MIOS: variants seen among roughly 807,000 people sequenced by gnomAD.
MIOS encodes GATOR2 complex protein MIOS.
MIOS carries 52 observed loss-of-function variants against 96.9 expected under a neutral mutation model. The observed-to-expected ratio is 0.54, with a 90% CI of 0.43 to 0.68. The LOEUF is 0.68. MIOS is among the 30% of genes least tolerant of loss of function. The pLI is 0.00. For missense variants in MIOS, 1,005 were observed against 1,052.8 expected, an observed-to-expected ratio of 0.95 and a Z score of 0.63; for synonymous variants, 397 against 359.5, an observed-to-expected ratio of 1.10 and a Z score of -1.18.
chr7:7,604,222 A>G (rs553675974), intron 11 of MIOS, among the ~76,000 whole-genome samples: 4 of 151,566 alleles, frequency 2.6e-5, no homozygotes, highest in African/African-American at 9.7e-5. Flanking sequence ...AATAAAATTT[A>G]AAAAAAAATA....
chr7:7,600,951 G>C lies in MIOS; in HGVS notation c.2401+4490G>C, dbSNP rs185156668. ...CTCAACTACATGGAAACTGAACAAC[G>C]TGCTCCTGAATGACTACTGGGTACA... On this transcript the variant is annotated intron_variant, in intron 11 of 12. Transcript: ENST00000340080. Among the ~76,000 whole-genome samples, 114 of 152,154 alleles carry C rather than the reference G, an allele frequency of 7.5e-4. 1 individual carries two copies. The highest frequency in any genetic ancestry group is 1.8e-3 in the African/African-American group (76 of 41,518).
At chr7:7,582,619 T>C (rs919540359) in intron 5 of MIOS, 1 of 977,854 alleles carries the variant, frequency 1.0e-6, no homozygotes, top group African/African-American at 1.8e-5. Flanking sequence ...ATCTTGTTTT[T>C]TAATGTACAG....
rs1267544954 is a variant in MIOS, at chr7:7,583,134, C to T, written c.1410C>T (p.Ser470=). ...TGTTTTTAGGAATGGTGGAAAGCAG[C>T]AGACATAATTGGAGTGGGTTGGATA... ...VKSSLGMVES[S]RHNWSGLDKQ... The change falls in exon 6 of 13, where the codon AGC becomes AGT. Residue 470 remains serine, a synonymous_variant. Transcript: ENST00000340080. The T allele has an allele frequency of 1.3e-5, 21 of 1,610,526 alleles. No homozygotes were observed. Among genetic ancestry groups the T allele is most frequent in the Non-Finnish European group, 1.4e-5 (17 of 1,177,970 alleles).
In MIOS at chr7:7,572,444, C is replaced by A; in HGVS notation, c.-32C>A. 6.6e-7 allele frequency: 1 copy of A among 1,518,848 alleles called. No homozygotes were observed. The highest frequency in any genetic ancestry group is 1.2e-5 in the South Asian group (1 of 83,162). 94.1% of individuals were successfully genotyped at this position (1,518,848 alleles called of 1,614,324 possible). On this transcript the variant is annotated 5_prime_UTR_variant, in exon 4 of 13. Transcript: ENST00000340080. The surrounding 1 kb of genome is among the most constrained non-coding windows in gnomAD (Gnocchi z 4.8). ...TTTTTAAACATTTTCAGTGAATGGA[C>A]CTGAGTGGACCCTTTGATCACATCA... is the stretch of plus-strand genomic sequence containing the variant.
At chr7:7,579,651 A>G (rs1041460247) in intron 5 of MIOS, among the ~76,000 whole-genome samples, 1 of 152,230 alleles carries the variant, frequency 6.6e-6, no homozygotes, top group Non-Finnish European at 1.5e-5. Flanking sequence ...TGAGCTAAAA[A>G]ATAAAAAAGT....
chr7:7,607,130 C>A lies in MIOS; in HGVS notation c.*38C>A. ...TTAAGAGAACCCTTCAAGTGTGGAG[C>A]TTTCTAGTAGGTGTCCTTCATAGCT... On this transcript the variant is annotated 3_prime_UTR_variant, in exon 13 of 13. Transcript: ENST00000340080. 1 of 1,509,758 alleles carries A rather than the reference C, an allele frequency of 6.6e-7. No individual in the cohort carries two copies. The highest frequency in any genetic ancestry group is 9.1e-7 in the Non-Finnish European group (1 of 1,099,350). The allele number at this position is 1,509,758 out of a possible 1,614,324, so 93.5% of individuals were successfully genotyped here. A position where few individuals can be genotyped will look rare whatever the true frequency, so the allele number is the denominator to read the frequency against.
intron 9 of MIOS, among the ~76,000 whole-genome samples, chr7:7,593,903 A>G (rs1306497409): frequency 2.1e-5 from 3 of 141,232 alleles, no homozygotes; most frequent in African/African-American, 8.9e-5. Flanking sequence ...AAAGAAAAAG[A>G]AAAGAAAAAA....
At position 7,572,361 on chromosome 7, in the gene MIOS, T is replaced by G. The variant is rs1054796093; in HGVS notation, c.-40-75T>G. ...TTCTTGAATAGAGAATTTTCTGACTTTCTGAATAGTTTATTCAACGTAAGA... is the reference window on the plus strand; with the variant it reads ...TTCTTGAATAGAGAATTTTCTGACTGTCTGAATAGTTTATTCAACGTAAGA... On this transcript the variant is annotated intron_variant, in intron 3 of 12. Transcript: ENST00000340080. This position sits in a 1 kb window ranked among gnomAD's most constrained non-coding sequence, Gnocchi z 4.8. The G allele has an allele frequency of 7.0e-6, 5 of 716,650 alleles. No individual in the cohort carries two copies. Among genetic ancestry groups the G allele is most frequent in the Admixed American group, 3.4e-5 (1 of 29,134 alleles). The allele number at this position is 716,650 out of a possible 1,614,324, so 44.4% of individuals were successfully genotyped here.
In MIOS at chr7:7,583,514, A is replaced by C. The variant is rs1422562652; in HGVS notation, c.1648+142A>C. 3 of 959,744 alleles carry C rather than the reference A, an allele frequency of 3.1e-6. No individual in the cohort carries two copies. The East Asian group carries it at 8.2e-5, about 26-fold the overall frequency. 59.5% of individuals were successfully genotyped at this position (959,744 alleles called of 1,614,324 possible). ...TAATTTTTGTTGGAGGAGAAAACAC[A>C]GCAGTATATCTATAACAGTAAATAC... is the stretch of plus-strand genomic sequence containing the variant. On this transcript the variant is annotated intron_variant, in intron 6 of 12. Transcript: ENST00000340080.
Position 7,608,620 on chromosome 7 carries a change from T to C in MIOS, c.*1528T>C, listed in dbSNP as rs1425196268. Reference sequence around the variant, plus strand: ...TTTCCAGCCTTCATTTGAGTAAATCTTAATTGATTTCATTTTATTAACATA... The same window carrying C: ...TTTCCAGCCTTCATTTGAGTAAATCCTAATTGATTTCATTTTATTAACATA... On this transcript the variant is annotated 3_prime_UTR_variant, in exon 13 of 13. Coordinates refer to ENST00000340080, the MANE Select transcript of MIOS (RefSeq NM_019005.4). 1 of 152,078 alleles carries C rather than the reference T, an allele frequency of 6.6e-6. No individual in the cohort carries two copies. The highest frequency in any genetic ancestry group is 1.5e-5 in the Non-Finnish European group (1 of 67,956). The allele number at this position is 152,078 out of a possible 1,614,324, so 9.4% of individuals were successfully genotyped here.
chr7:7,601,241 G>C (rs1023085731), intron 11 of MIOS, among the ~76,000 whole-genome samples: 2 of 150,872 alleles, frequency 1.3e-5, no homozygotes, highest in African/African-American at 4.9e-5. Flanking sequence ...AGGAAATAGA[G>C]ACACAAAAGA....
intron 9 of MIOS, among the ~76,000 whole-genome samples, chr7:7,594,432 T>C (rs1162962884): frequency 6.6e-6 from 1 of 152,050 alleles, no homozygotes; most frequent in African/African-American, 2.4e-5. Context: ...GTAACTAGGA[T>C]TATAGGCGCC....
chr7:7,603,065 T>C (rs551837141), intron 11 of MIOS, among the ~76,000 whole-genome samples: 264 of 152,120 alleles, frequency 1.7e-3, no homozygotes, highest in Middle Eastern at 3.4e-3. Flanking sequence ...ATACAAAAAT[T>C]AATTCAAGAT....
intron 6 of MIOS, 134 bp from the exon 7 acceptor site, chr7:7,585,502 C>G (rs1401298459): frequency 7.7e-6 from 5 of 645,818 alleles, no homozygotes; most frequent in Non-Finnish European, 1.2e-5. Context: ...CAGAGCAGCC[C>G]AAAACCCTTA....
At chr7:7,590,135 A>C (rs1583644390) in intron 9 of MIOS, among the ~76,000 whole-genome samples, 1 of 152,166 alleles carries the variant, frequency 6.6e-6, no homozygotes, top group East Asian at 1.9e-4. Flanking sequence ...GTAGCCCTCC[A>C]GTTGATCTTA....
chr7:7,597,480 ATATAT>A lies in MIOS; in HGVS notation c.2401+1020_2401+1024del, dbSNP rs1784240320. Among the ~76,000 whole-genome samples, 13 of 32,940 alleles carry A rather than the reference ATATAT, an allele frequency of 3.9e-4. No homozygotes were observed. In the Middle Eastern group the frequency reaches 0.056, roughly 141 times the overall value. 21.6% of individuals were successfully genotyped at this position (32,940 alleles called of 152,430 possible). ...TTACCTAGTAAATTTATATATATAT[ATATAT>A]ATATATATATATATATATATATATA... On this transcript the variant is annotated intron_variant, in intron 11 of 12. Coordinates refer to ENST00000340080, the MANE Select transcript of MIOS (RefSeq NM_019005.4).
chr7:7,589,103 G>T (rs1783973765), intron 8 of MIOS, among the ~76,000 whole-genome samples: 1 of 151,950 alleles, frequency 6.6e-6, no homozygotes, highest in African/African-American at 2.4e-5. Context: ...TACTATGATA[G>T]ACAGCAAAAA....
chr7:7,606,053 A>G lies in MIOS; in HGVS notation c.2513A>G (p.His838Arg), dbSNP rs1460185755. 1 of 1,613,846 alleles carries G rather than the reference A, an allele frequency of 6.2e-7. No homozygotes were observed. The highest frequency in any genetic ancestry group is 8.5e-7 in the Non-Finnish European group (1 of 1,179,796). The part of the protein sequence containing the change: ...HNCRHGGHAG[H>R]MLSWFRDHAE... ...TGCAGGCACGGTGGACATGCTGGAC[A>G]TATGCTTAGTTGGTTCAGGTAATCA... The change falls in exon 12 of 13, where the codon CAT becomes CGT. Residue 838 changes from histidine to arginine, a missense_variant. By Grantham distance (29) the His-to-Arg change is conservative. Coordinates refer to ENST00000340080, the MANE Select transcript of MIOS (RefSeq NM_019005.4).
At position 7,594,960 on chromosome 7, in the gene MIOS, A is replaced by T; in HGVS notation, c.2044-20A>T. 2.9e-5 allele frequency: 41 copies of T among 1,437,278 alleles called. No individual in the cohort carries two copies. Among genetic ancestry groups the T allele is most frequent in the South Asian group, 3.7e-5 (3 of 82,126 alleles). The allele number at this position is 1,437,278 out of a possible 1,614,324, so 89.0% of individuals were successfully genotyped here. On this transcript the variant is annotated intron_variant, in intron 9 of 12. Coordinates refer to ENST00000340080, the MANE Select transcript of MIOS (RefSeq NM_019005.4). ...CCAGGAGATTTTAAACAATTGAAAT[A>T]ATTCATGTTTTCGTTTTAGGGTTCA...
Sources: gnomAD v4.1 joint callset for allele counts (sites outside exome capture counted in the v4.1 genomes callset) on GRCh38, gnomAD v4.1.1 for gene constraint, Gnocchi (gnomAD v3.1) non-coding constraint, MANE v1.5 for transcripts, NCBI Gene and HGNC (gene_info 2026-07-23, HGNC 2026-07-21) for gene names.